Variants in GIGYF2 observed in about 807,000 individuals in gnomAD.
GIGYF2 encodes GRB10 interacting GYF protein 2.
GIGYF2 carries 25 observed loss-of-function variants against 208.1 expected under a neutral mutation model. The observed-to-expected ratio is 0.12, with a 90% confidence interval of 0.09 to 0.17. The LOEUF is 0.17. Among genes scored for constraint, GIGYF2 ranks in the 10% least tolerant of loss-of-function variants. GIGYF2 has a pLI of 1.00. For missense variants in GIGYF2, 1,302 were observed against 1,579.4 expected (o/e 0.82, Z 2.98); for synonymous variants, 534 against 543.8 (o/e 0.98, Z 0.25).
intron 8 of GIGYF2, among the ~76,000 whole-genome samples, chr2:232,782,065 T>G (rs556367833): frequency 6.6e-6 from 1 of 152,344 alleles, no homozygotes; most frequent in South Asian, 2.1e-4. Flanking sequence ...GATCAGGTGC[T>G]ATGTCTCAGC....
At chr2:232,699,145 A>T (rs1387917752) in intron 1 of GIGYF2, among the ~76,000 whole-genome samples, 5 of 152,214 alleles carry the variant, frequency 3.3e-5, no homozygotes, top group African/African-American at 1.2e-4. Context: ...AGAAGGCCTC[A>T]TGGAGAAGCT....
At chr2:232,815,582 G>GC in intron 18 of GIGYF2, 55 bp from the exon 19 acceptor site, 1 of 941,034 alleles carries the variant, frequency 1.1e-6, no homozygotes, top group Admixed American at 1.7e-5. Flanking sequence ...CTACGGATAT[G>GC]TCACCATGTG....
Position 232,833,074 on chromosome 2 carries a change from A to G in GIGYF2, c.2747A>G (p.Gln916Arg). The G allele has an allele frequency of 6.4e-7, 1 of 1,552,128 alleles. No individual in the cohort carries two copies. The highest frequency in any genetic ancestry group is 8.7e-7 in the Non-Finnish European group (1 of 1,147,216). ...LRRLQQQQQQ[Q>R]QLAQMKLPSS... ...AGGTTGCAGCAGCAGCAGCAGCAAC[A>G]ACAGCTGGCGCAGATGAAGGTAAAG... Residue 916 changes from glutamine to arginine, a missense_variant, in exon 22 of 29, where the codon CAA (glutamine) becomes CGA (arginine). Coordinates refer to ENST00000373563, the MANE Select transcript of GIGYF2 (RefSeq NM_001103146.3).
chr2:232,746,682 A>G (rs1035196772), intron 3 of GIGYF2, among the ~76,000 whole-genome samples: 4 of 152,138 alleles, frequency 2.6e-5, no homozygotes, highest in Non-Finnish European at 5.9e-5. Flanking sequence ...AGTTTGGAGT[A>G]TATTTTTTAT....
intron 9 of GIGYF2, 92 bp downstream of exon 9, chr2:232,787,421 A>G: frequency 8.8e-7 from 1 of 1,131,032 alleles, no homozygotes; most frequent in Non-Finnish European, 1.3e-6. Context: ...AAACTGGCTT[A>G]AAAAATGTGG....
At chr2:232,843,945 A>G (rs1235035288) in intron 23 of GIGYF2, 101 bp from the exon 24 acceptor site, 2 of 1,011,078 alleles carry the variant, frequency 2.0e-6, no homozygotes, top group East Asian at 4.8e-5. Flanking sequence ...AGTTAATTTT[A>G]TGTAGCTACT....
chr2:232,783,790 A>G (rs1366211006), intron 8 of GIGYF2, among the ~76,000 whole-genome samples: 2 of 152,206 alleles, frequency 1.3e-5, no homozygotes, highest in Non-Finnish European at 2.9e-5. Context: ...GCTTCAAGTG[A>G]TTCTCCTGCC....
At chr2:232,723,986 G>A (rs1021105490) in intron 2 of GIGYF2, among the ~76,000 whole-genome samples, 1 of 148,464 alleles carries the variant, frequency 6.7e-6, no homozygotes, top group African/African-American at 2.5e-5. Context: ...CGCCTGCCTC[G>A]GCCTCCGAAA....
intron 13 of GIGYF2, among the ~76,000 whole-genome samples, chr2:232,795,198 C>CT (rs1386929320): frequency 1.3e-5 from 2 of 151,772 alleles, no homozygotes; most frequent in Non-Finnish European, 2.9e-5. Flanking sequence ...TTTCTTTTTT[C>CT]TTTTTGGACA....
At chr2:232,851,413 A>ATTTTTTTT (rs5839451) in intron 28 of GIGYF2, among the ~76,000 whole-genome samples, 2 of 149,086 alleles carry the variant, frequency 1.3e-5, no homozygotes, top group Non-Finnish European at 1.5e-5. Context: ...TGAAACTAAC[A>ATTTTTTTT]TTTTTTTTTT....
chr2:232,765,087 C>T (rs6437073), intron 8 of GIGYF2, among the ~76,000 whole-genome samples: 48,933 of 151,840 alleles, frequency 0.32, 8,338 homozygotes, highest in African/African-American at 0.41. Flanking sequence ...CACATACATA[C>T]ATATTCTAAT....
At chr2:232,847,108 T>G (rs964135105) in intron 26 of GIGYF2, among the ~76,000 whole-genome samples, 3 of 152,226 alleles carry the variant, frequency 2.0e-5, no homozygotes, top group African/African-American at 7.2e-5. Flanking sequence ...AGTAACTGTT[T>G]CAGTCAGTAT....
intron 7 of GIGYF2, among the ~76,000 whole-genome samples, chr2:232,761,045 A>G (rs773431985): frequency 1.3e-5 from 2 of 152,136 alleles, no homozygotes; most frequent in Non-Finnish European, 2.9e-5. Flanking sequence ...ATATAATTGT[A>G]TATCCACAAA....
chr2:232,764,422 AC>A (rs1698867366), intron 8 of GIGYF2: 1 of 152,206 alleles, frequency 6.6e-6, no homozygotes, highest in South Asian at 2.1e-4. Context: ...CACTTCTGGG[AC>A]CACCCCTTGA....
chr2:232,771,113 C>T, intron 8 of GIGYF2: 3 of 1,614,058 alleles, frequency 1.9e-6, no homozygotes, highest in Non-Finnish European at 2.5e-6. Flanking sequence ...AGTTCCAGAT[C>T]ACCATTCATC....
intron 3 of GIGYF2, among the ~76,000 whole-genome samples, chr2:232,747,409 A>T (rs1397839798): frequency 6.6e-6 from 1 of 152,164 alleles, no homozygotes; most frequent in African/African-American, 2.4e-5. Context: ...GAATTGCCAC[A>T]TGGTTGTCTA....
intron 21 of GIGYF2, among the ~76,000 whole-genome samples, chr2:232,832,070 A>G (rs1483521682): frequency 6.6e-6 from 1 of 152,218 alleles, no homozygotes; most frequent in African/African-American, 2.4e-5. Flanking sequence ...AAGCAAATAG[A>G]TAAGGACAGG....
At chr2:232,701,318 C>G (rs549272137) in intron 1 of GIGYF2, among the ~76,000 whole-genome samples, 2 of 151,652 alleles carry the variant, frequency 1.3e-5, no homozygotes, top group Admixed American at 6.6e-5. Flanking sequence ...TACAGTGCAG[C>G]GGCCTGATCT....
At chr2:232,849,052 T>C (rs1010346149) in intron 27 of GIGYF2, among the ~76,000 whole-genome samples, 8 of 152,178 alleles carry the variant, frequency 5.3e-5, no homozygotes, top group African/African-American at 1.9e-4. Context: ...TCACTTACGA[T>C]GAGGATGTGG....
Sources: allele counts gnomAD v4.1 joint callset (sites outside exome capture counted in the v4.1 genomes callset), GRCh38; gene constraint gnomAD v4.1.1; transcripts MANE v1.5; gene names NCBI Gene and HGNC (gene_info 2026-07-23, HGNC 2026-07-21).